Variants in SYNPO observed in about 807,000 individuals in gnomAD.
SYNPO encodes synaptopodin.
In SYNPO, 19 loss-of-function variants were observed where a neutral mutation model predicts 49.5. That is an observed-to-expected ratio of 0.38 (90% CI 0.27 to 0.56). The LOEUF (loss-of-function observed/expected upper bound fraction) is 0.56. SYNPO is among the 20% of genes least tolerant of loss of function. The probability of loss-of-function intolerance (pLI) is 0.68; values close to 1 mark genes in which losing one functional copy is unlikely to be tolerated. For missense variants in SYNPO, 1,131 were observed against 1,248.3 expected (o/e 0.91, Z 1.42); for synonymous variants, 536 against 548.0 (o/e 0.98, Z 0.31).
At chr5:150,614,101 G>A (rs909018231) in intron 1 of SYNPO, among the ~76,000 whole-genome samples, 2 of 152,220 alleles carry the variant, frequency 1.3e-5, no homozygotes, top group Non-Finnish European at 2.9e-5. Context: ...ATTCCCCACT[G>A]GGTGAAGGAA....
chr5:150,590,589 A>G, the SYNPO span, among the ~76,000 whole-genome samples: 1 of 152,206 alleles, frequency 6.6e-6, no homozygotes, highest in African/African-American at 2.4e-5. Flanking sequence ...GATACTGTGC[A>G]TCTGAGGGTG....
chr5:150,656,696 C>T lies in SYNPO; in HGVS notation c.2321C>T (p.Ser774Leu), dbSNP rs1203830017. Residue 774 changes from serine to leucine, a missense_variant, in exon 3 of 3, where the codon TCG becomes TTG. This residue lies in a region of SYNPO where 509 missense variants were observed against 484.5 expected (regional missense o/e 1.05). Transcript: ENST00000307662. ...AARRKSASPR[S>L]AGAENPRPFS... ...CGGCGCAAGAGCGCCTCCCCGCGGT[C>T]GGCGGGCGCCGAGAACCCGCGGCCC... 1 of 1,452,498 alleles carries T rather than the reference C, an allele frequency of 6.9e-7. No homozygotes were observed. Among genetic ancestry groups the T allele is most frequent in the Admixed American group, 2.5e-5 (1 of 40,194 alleles). 90.0% of individuals were successfully genotyped at this position (1,452,498 alleles called of 1,614,324 possible).
chr5:150,586,130 C>G, the SYNPO span, among the ~76,000 whole-genome samples: 7 of 152,214 alleles, frequency 4.6e-5, no homozygotes, highest in African/African-American at 1.4e-4. Context: ...GAGGTGAGTG[C>G]CAGGCAGAGG....
chr5:150,627,657 G>C (rs1014866473), intron 2 of SYNPO, among the ~76,000 whole-genome samples: 7 of 152,210 alleles, frequency 4.6e-5, no homozygotes, highest in Non-Finnish European at 7.3e-5. Context: ...GGGGCTACCG[G>C]GGGTTGGTGA....
At chr5:150,628,464 A>G (rs1757434245) in intron 2 of SYNPO, among the ~76,000 whole-genome samples, 1 of 152,218 alleles carries the variant, frequency 6.6e-6, no homozygotes, top group Non-Finnish European at 1.5e-5. Flanking sequence ...TAACTATGTT[A>G]TGTAACCTCT....
At chr5:150,638,980 T>C (rs1757805261), upstream of SYNPO, among the ~76,000 whole-genome samples, 1 of 152,184 alleles carries the variant, frequency 6.6e-6, no homozygotes, top group African/African-American at 2.4e-5. Context: ...CCTGTGATCC[T>C]CTCTGTGAGC....
chr5:150,648,848 C>T lies in SYNPO; in HGVS notation c.573C>T (p.Ser191=). The T allele has an allele frequency of 6.2e-7, 1 of 1,614,240 alleles. No individual in the cohort carries two copies. Among genetic ancestry groups the T allele is most frequent in the Non-Finnish European group, 8.5e-7 (1 of 1,180,042 alleles). ...CAGCCTCAGATTTCATGTCCAGCTC[C>T]CTGCTCATTGACATCCAGCCCAACA... is the stretch of plus-strand genomic sequence containing the variant. The part of the protein sequence containing the change: ...RPPASDFMSS[S]LLIDIQPNTL... Residue 191 remains serine, a synonymous_variant, in exon 2 of 3, where the codon TCC becomes TCT. Coordinates refer to ENST00000307662, the MANE Select transcript of SYNPO (RefSeq NM_007286.6). This position sits in a 1 kb window ranked among gnomAD's most constrained non-coding sequence, Gnocchi z 5.0.
Position 150,657,198 on chromosome 5 carries a change from G to C in SYNPO, c.*111G>C, listed in dbSNP as rs1428847664. The C allele has an allele frequency of 2.5e-6, 3 of 1,196,160 alleles. No individual in the cohort carries two copies. In the African/African-American group the frequency reaches 4.6e-5, roughly 18 times the overall value. 74.1% of individuals were successfully genotyped at this position (1,196,160 alleles called of 1,614,324 possible). On this transcript the variant is annotated 3_prime_UTR_variant, in exon 3 of 3. Coordinates refer to ENST00000307662, the MANE Select transcript of SYNPO (RefSeq NM_007286.6). The stretch of plus-strand genomic sequence containing the variant: ...GGGCAGCCCCAGAGATGAGGGGTCA[G>C]CAGAGGAGAGCTCTGGGGTTGGGGA...
At chr5:150,589,463 C>G in the SYNPO span, among the ~76,000 whole-genome samples, 27 of 152,308 alleles carry the variant, frequency 1.8e-4, no homozygotes, top group Non-Finnish European at 3.5e-4. Flanking sequence ...ATTACCCATC[C>G]CTACGAATGG....
intron 1 of SYNPO, among the ~76,000 whole-genome samples, chr5:150,616,812 C>T (rs972892384): frequency 1.3e-5 from 2 of 152,138 alleles, no homozygotes; most frequent in African/African-American, 4.8e-5. Context: ...TTCTTCCACC[C>T]AAGTATCTCT....
the SYNPO span, among the ~76,000 whole-genome samples, chr5:150,591,372 C>G: frequency 1.2e-4 from 19 of 152,302 alleles, no homozygotes; most frequent in African/African-American, 4.3e-4. Flanking sequence ...CTGCAGCATG[C>G]GCAGCTGAGC....
At chr5:150,592,585 C>T in the SYNPO span, among the ~76,000 whole-genome samples, 84 of 152,328 alleles carry the variant, frequency 5.5e-4, no homozygotes, top group African/African-American at 1.2e-3. Flanking sequence ...TCTGACGGCT[C>T]CATGCAGGAG....
intron 2 of SYNPO, among the ~76,000 whole-genome samples, chr5:150,632,292 A>G (rs1425693440): frequency 6.6e-6 from 1 of 152,222 alleles, no homozygotes; most frequent in African/African-American, 2.4e-5. Context: ...TACAATCTGC[A>G]TTTTGACAAC....
intron 1 of SYNPO, among the ~76,000 whole-genome samples, chr5:150,603,203 G>T (rs535046944): frequency 6.6e-6 from 1 of 152,236 alleles, no homozygotes; most frequent in African/African-American, 2.4e-5. Flanking sequence ...TGCTTTGTCC[G>T]GCCTCAGCCT....
At chr5:150,612,025 G>A (rs1019886457) in intron 1 of SYNPO, among the ~76,000 whole-genome samples, 11 of 152,192 alleles carry the variant, frequency 7.2e-5, no homozygotes, top group Non-Finnish European at 1.0e-4. Context: ...GGAATTCCCC[G>A]CCTTTGGAGC....
intron 1 of SYNPO, among the ~76,000 whole-genome samples, chr5:150,604,269 G>A (rs781758390): frequency 6.6e-6 from 1 of 152,234 alleles, no homozygotes; most frequent in African/African-American, 2.4e-5. Flanking sequence ...TGGGGAGGAT[G>A]AGCGCTTAAA....
Position 150,649,166 on chromosome 5 carries a change from G to A in SYNPO, c.891G>A (p.Arg297=). ...HIMSRSPMVE[R]RMMGQRSPAS... The stretch of plus-strand genomic sequence containing the variant: ...TGTCCCGCAGCCCCATGGTGGAAAG[G>A]AGGATGATGGGGCAGCGAAGCCCGG... The change falls in exon 2 of 3, where the codon AGG becomes AGA. Residue 297 remains arginine (R), a synonymous_variant. Coordinates refer to ENST00000307662, the MANE Select transcript of SYNPO (RefSeq NM_007286.6). 6 of 1,614,142 alleles carry A rather than the reference G, an allele frequency of 3.7e-6. No homozygotes were observed. The highest frequency in any genetic ancestry group is 1.6e-4 in the Middle Eastern group (1 of 6,062).
the SYNPO span, among the ~76,000 whole-genome samples, chr5:150,590,632 G>A: frequency 6.6e-6 from 1 of 152,146 alleles, no homozygotes; most frequent in South Asian, 2.1e-4. Context: ...TTCTAAATAC[G>A]TGACCTTGAG....
chr5:150,598,621 A>G (rs1289517613), upstream of SYNPO, among the ~76,000 whole-genome samples: 1 of 152,216 alleles, frequency 6.6e-6, no homozygotes, highest in Non-Finnish European at 1.5e-5. Flanking sequence ...AAGTATCCAG[A>G]TATAGTATCC....
Sources: allele counts gnomAD v4.1 joint callset (sites outside exome capture counted in the v4.1 genomes callset), GRCh38; gene constraint gnomAD v4.1.1; regional missense constraint gnomAD v4.1.1; non-coding constraint Gnocchi (gnomAD v3.1); transcripts MANE v1.5; gene names NCBI Gene and HGNC (gene_info 2026-07-23, HGNC 2026-07-21).